The following CAB39L variants were observed in gnomAD, a reference collection of about 807,000 sequenced individuals.
CAB39L encodes the protein calcium-binding protein 39-like.
A neutral mutation model predicts 39.1 loss-of-function variants in CAB39L; 23 were observed. The ratio of observed to expected loss-of-function variants is 0.59; its 90% CI spans 0.42 to 0.83. CAB39L has a LOEUF of 0.83. CAB39L is among the 40% of genes least tolerant of loss of function. The pLI, the probability that CAB39L is intolerant of heterozygous loss-of-function variation, is 0.00. For synonymous variants in CAB39L, 126 were observed against 137.2 expected, an observed-to-expected ratio of 0.92 and a Z score of 0.57; for missense variants, 366 against 391.9, an observed-to-expected ratio of 0.93 and a Z score of 0.56.
At chr13:49,410,149 T>C (rs376433434) in intron 3 of CAB39L, among the ~76,000 whole-genome samples, 1 of 152,156 alleles carries the variant, frequency 6.6e-6, no homozygotes, top group Non-Finnish European at 1.5e-5. Context: ...AGATTCGATA[T>C]ACAGCTAGTA....
chr13:49,370,346 C>T (rs1182989705), intron 5 of CAB39L, among the ~76,000 whole-genome samples: 1 of 152,190 alleles, frequency 6.6e-6, no homozygotes, highest in Non-Finnish European at 1.5e-5. Flanking sequence ...GCCCCAATAT[C>T]TTTGTCATTC....
intron 5 of CAB39L, among the ~76,000 whole-genome samples, chr13:49,360,286 G>A (rs1197764391): frequency 2.0e-5 from 3 of 152,326 alleles, no homozygotes; most frequent in South Asian, 4.1e-4. Context: ...CTACTTTCTA[G>A]TATTTTTTGC....
At chr13:49,438,673 G>A (rs1202139682) in intron 1 of CAB39L, among the ~76,000 whole-genome samples, 1 of 152,132 alleles carries the variant, frequency 6.6e-6, no homozygotes, top group Admixed American at 6.5e-5. Context: ...CTTTGCAAGT[G>A]ACCTGCTCTT....
At chr13:49,348,691 C>T (rs1955251945) in intron 7 of CAB39L, among the ~76,000 whole-genome samples, 1 of 152,190 alleles carries the variant, frequency 6.6e-6, no homozygotes, top group African/African-American at 2.4e-5. Context: ...CAAATATTCC[C>T]ATCATTCTCA....
At chr13:49,399,418 A>G (rs926885845) in intron 3 of CAB39L, among the ~76,000 whole-genome samples, 1 of 152,132 alleles carries the variant, frequency 6.6e-6, no homozygotes, top group African/African-American at 2.4e-5. Flanking sequence ...ATTCATATTT[A>G]GAATAAAAAT....
intron 5 of CAB39L, among the ~76,000 whole-genome samples, chr13:49,366,669 C>G (rs1955781947): frequency 6.6e-5 from 10 of 150,948 alleles, no homozygotes; most frequent in Admixed American, 5.9e-4. Flanking sequence ...TCCAAACACC[C>G]TCCCTCCAAA....
chr13:49,344,333 G>C (rs1955085488), intron 7 of CAB39L, 95 bp from the exon 8 acceptor site: 2 of 704,972 alleles, frequency 2.8e-6, no homozygotes, highest in South Asian at 3.5e-5. Flanking sequence ...AAAAGTTGCA[G>C]AAGAACATTT....
At chr13:49,332,242 A>G in intron 9 of CAB39L, 152 bp from the exon 10 acceptor site, 1 of 839,658 alleles carries the variant, frequency 1.2e-6, no homozygotes, top group Non-Finnish European at 1.8e-6. Flanking sequence ...CTCAAAGCAC[A>G]GGCATAAAAG....
intron 5 of CAB39L, among the ~76,000 whole-genome samples, chr13:49,374,430 G>T (rs537429686): frequency 3.2e-4 from 49 of 152,252 alleles, no homozygotes; most frequent in African/African-American, 1.2e-3. Context: ...TGTTCAGAAA[G>T]ATACTTCTTT....
chr13:49,423,930 T>C (rs563277436), intron 3 of CAB39L, among the ~76,000 whole-genome samples: 1 of 152,330 alleles, frequency 6.6e-6, no homozygotes, highest in Admixed American at 6.5e-5. Context: ...TTCAATGGCA[T>C]TCTTATTCTT....
At chr13:49,331,623 G>A (rs895542543) in intron 10 of CAB39L, among the ~76,000 whole-genome samples, 1 of 152,324 alleles carries the variant, frequency 6.6e-6, no homozygotes, top group South Asian at 2.1e-4. Context: ...GACAGTGCTT[G>A]TAGGAAGCAA....
chr13:49,375,803 A>T (rs1268528701), intron 5 of CAB39L, among the ~76,000 whole-genome samples: 168 of 118,182 alleles, frequency 1.4e-3, no homozygotes, highest in African/African-American at 6.4e-3. Context: ...AATTTAAAAA[A>T]ATTGAAAAAA....
intron 3 of CAB39L, among the ~76,000 whole-genome samples, chr13:49,425,306 T>G (rs1414204502): frequency 6.6e-6 from 1 of 152,070 alleles, no homozygotes; most frequent in Non-Finnish European, 1.5e-5. Context: ...TAAAAACTTT[T>G]TATGCAATCA....
intron 6 of CAB39L, among the ~76,000 whole-genome samples, chr13:49,354,680 T>C (rs992256825): frequency 6.6e-6 from 1 of 152,184 alleles, no homozygotes; most frequent in African/African-American, 2.4e-5. Flanking sequence ...TCTTCCCTCT[T>C]GATTTGTAAT....
intron 3 of CAB39L, among the ~76,000 whole-genome samples, chr13:49,398,915 C>A (rs1956701231): frequency 6.6e-6 from 1 of 152,044 alleles, no homozygotes; most frequent in African/African-American, 2.4e-5. Flanking sequence ...TGCCTCCCCT[C>A]AGCACCATTC....
chr13:49,335,167 C>T (rs1445159388), intron 9 of CAB39L, among the ~76,000 whole-genome samples: 1 of 152,020 alleles, frequency 6.6e-6, no homozygotes, highest in Admixed American at 6.5e-5. Flanking sequence ...AAGATATATA[C>T]AAAAATAATC....
chr13:49,356,289 C>G lies in CAB39L; in HGVS notation c.395+3425G>C, dbSNP rs554845193. On this transcript the variant is annotated intron_variant, in intron 6 of 10. Transcript: ENST00000409308. ...ATTTTTTATAATAAACTTAAAAAAACAGGATAATTGGGAGAAATTTATGAT... is the reference window on the plus strand; with the variant it reads ...ATTTTTTATAATAAACTTAAAAAAAGAGGATAATTGGGAGAAATTTATGAT... Among the ~76,000 whole-genome samples, 3 of 152,106 alleles carry G rather than the reference C, an allele frequency of 2.0e-5. No individual in the cohort carries two copies. In the South Asian group the frequency reaches 6.2e-4, roughly 32 times the overall value.
intron 6 of CAB39L, among the ~76,000 whole-genome samples, chr13:49,355,212 CAA>C (rs57254627): frequency 1.8e-4 from 19 of 104,732 alleles, no homozygotes; most frequent in Admixed American, 2.0e-4. Flanking sequence ...CCTGTTTCTA[CAA>C]AAAAAAAAAA....
At chr13:49,415,256 C>T (rs762200804) in intron 3 of CAB39L, among the ~76,000 whole-genome samples, 2 of 151,202 alleles carry the variant, frequency 1.3e-5, no homozygotes, top group African/African-American at 4.9e-5. Flanking sequence ...GTGGCTCACA[C>T]CTGTAATCCC....
Sources: allele counts gnomAD v4.1 joint callset (sites outside exome capture counted in the v4.1 genomes callset), GRCh38; gene constraint gnomAD v4.1.1; transcripts MANE v1.5; gene names NCBI Gene and HGNC (gene_info 2026-07-23, HGNC 2026-07-21).